The following MKX variants were observed in gnomAD, a reference collection of about 807,000 sequenced individuals.
MKX encodes the protein homeobox protein Mohawk.
In MKX, 13 loss-of-function variants were observed where a neutral mutation model predicts 36.0. The ratio of observed to expected loss-of-function variants is 0.36; its 90% CI spans 0.24 to 0.57. The LOEUF (loss-of-function observed/expected upper bound fraction) is 0.57, where lower values mean the gene tolerates loss of function less well. Ranked by LOEUF, MKX falls within the 20% of genes least tolerant of loss-of-function variation. MKX has a pLI of 0.79. For missense variants in MKX, 458 were observed against 456.4 expected (o/e 1.00, Z -0.03); for synonymous variants, 176 against 178.3 (o/e 0.99, Z 0.10).
At chr10:27,701,827 G>A (rs555478107) in intron 5 of MKX, among the ~76,000 whole-genome samples, 16 of 145,492 alleles carry the variant, frequency 1.1e-4, no homozygotes, top group African/African-American at 2.0e-4. Flanking sequence ...GTGTGTGTGT[G>A]TATATATATA....
At chr10:27,703,145 T>A (rs2815574) in intron 5 of MKX, among the ~76,000 whole-genome samples, 122,020 of 152,084 alleles carry the variant, frequency 0.8, 49,023 homozygotes, top group Admixed American at 0.84. Context: ...GTCCAGTTTT[T>A]TAATTCCTAA....
chr10:27,685,850 G>C (rs2368251), intron 5 of MKX, among the ~76,000 whole-genome samples: 1 of 152,158 alleles, frequency 6.6e-6, no homozygotes, highest in Non-Finnish European at 1.5e-5. Context: ...CTGCTGCTGC[G>C]TCACTTTCAG....
chr10:27,725,447 C>T (rs1410101438), intron 5 of MKX, among the ~76,000 whole-genome samples: 1 of 151,964 alleles, frequency 6.6e-6, no homozygotes. Context: ...TATATTTTTT[C>T]ACTTCCTCAA....
At position 27,734,466 on chromosome 10, in the gene MKX, G is replaced by C; in HGVS notation, c.828C>G (p.Val276=). The part of the protein sequence containing the change: ...PSSSETEGNF[V]YRTDTLENGS... ...AAAGCACGGACTTACCTGTGCGATA[G>C]ACAAAGTTGCCTTCAGTTTCTGATG... Residue 276 remains valine (V), a synonymous_variant, in exon 5 of 7, where the codon GTC becomes GTG. Coordinates refer to ENST00000419761, the MANE Select transcript of MKX (RefSeq NM_173576.3). 2 of 1,613,952 alleles carry C rather than the reference G, an allele frequency of 1.2e-6. No homozygotes were observed. The highest frequency in any genetic ancestry group is 1.7e-6 in the Non-Finnish European group (2 of 1,179,902).
At chr10:27,704,962 C>G (rs1400237505) in intron 5 of MKX, among the ~76,000 whole-genome samples, 1 of 152,110 alleles carries the variant, frequency 6.6e-6, no homozygotes, top group African/African-American at 2.4e-5. Flanking sequence ...AGGCTCATCT[C>G]CCTCCATAAA....
intron 3 of MKX, among the ~76,000 whole-genome samples, chr10:27,739,839 T>G (rs111950107): frequency 1.6e-4 from 24 of 152,206 alleles, no homozygotes; most frequent in African/African-American, 5.8e-4. Context: ...TTAGTGTATT[T>G]TAAAAATAAG....
intron 5 of MKX, among the ~76,000 whole-genome samples, chr10:27,730,448 C>A (rs1834598760): frequency 1.4e-5 from 2 of 146,498 alleles, no homozygotes; most frequent in South Asian, 4.3e-4. Flanking sequence ...CTCACACCAA[C>A]TTTCAACTGG....
At chr10:27,711,429 CTCTTTCTTTCTTTCTTTCTTTCTTTCTT>C (rs749757379) in intron 5 of MKX, among the ~76,000 whole-genome samples, 5 of 114,574 alleles carry the variant, frequency 4.4e-5, no homozygotes, top group East Asian at 3.1e-4. Context: ...TCTTTCTTTT[CTCTTTCTTTCTTTCTTTCTTTCTTTCTT>C]TCTTTCTTTC....
chr10:27,738,368 A>G (rs1834823052), intron 3 of MKX, among the ~76,000 whole-genome samples: 2 of 152,182 alleles, frequency 1.3e-5, no homozygotes, highest in South Asian at 4.1e-4. Context: ...CACTGAAGGT[A>G]AAAATATCGG....
intron 5 of MKX, among the ~76,000 whole-genome samples, chr10:27,729,670 T>C (rs1475681915): frequency 6.6e-6 from 1 of 152,052 alleles, no homozygotes; most frequent in Non-Finnish European, 1.5e-5. Context: ...AACAAGGGCT[T>C]GTCCTCAAGT....
chr10:27,701,418 C>T (rs1229018370), intron 5 of MKX, among the ~76,000 whole-genome samples: 2 of 142,676 alleles, frequency 1.4e-5, no homozygotes, highest in Non-Finnish European at 3.0e-5. Flanking sequence ...ACAGGTTTTA[C>T]TATAGATAAT....
At chr10:27,710,711 T>C (rs1836835837) in intron 5 of MKX, among the ~76,000 whole-genome samples, 2 of 152,218 alleles carry the variant, frequency 1.3e-5, no homozygotes. Context: ...CAATCTGGAG[T>C]GCAGTGGTAT....
rs1333320435 is a variant in MKX at position 27,734,558 on chromosome 10, T to C, written c.736A>G (p.Arg246Gly). The change falls in exon 5 of 7, where the codon AGG becomes GGG. Residue 246 changes from arginine to glycine, a missense_variant. This residue lies in a region of MKX where 297 missense variants were observed against 304.4 expected (regional missense o/e 0.98). Transcript: ENST00000419761. ...ATNTTMMGKTRQRNHSGSFSS... is the reference protein window; with the variant it reads ...ATNTTMMGKTGQRNHSGSFSS... ...AAAGATCCCGAGTGGTTTCTTTGCC[T>C]TGTTTTTCCCATCATGGTAGTGTTC... is the stretch of plus-strand genomic sequence containing the variant. 6.8e-6 allele frequency: 11 copies of C among 1,614,106 alleles called. No homozygotes were observed. The highest frequency in any genetic ancestry group is 1.3e-5 in the African/African-American group (1 of 74,936).
Position 27,733,721 on chromosome 10 carries a change from C to T in MKX, c.838+735G>A, listed in dbSNP as rs552484405. ...CCTTGTTCCAAAGTCACCTCATACA[C>T]TTCTTAAGAGCAAACCTCTCTGGGA... On this transcript the variant is annotated intron_variant, in intron 5 of 6. Transcript: ENST00000419761. Among the ~76,000 whole-genome samples, 48 of 152,338 alleles carry T rather than the reference C, an allele frequency of 3.2e-4. No individual in the cohort carries two copies. The South Asian group carries it at 7.9e-3, about 25-fold the overall frequency.
chr10:27,720,701 G>A (rs183271912), intron 5 of MKX, among the ~76,000 whole-genome samples: 5 of 152,134 alleles, frequency 3.3e-5, no homozygotes, highest in African/African-American at 1.2e-4. Context: ...TATACTCTAT[G>A]GTAAAATATG....
intron 5 of MKX, among the ~76,000 whole-genome samples, chr10:27,682,168 T>TA (rs950805617): frequency 6.6e-6 from 1 of 151,970 alleles, no homozygotes; most frequent in African/African-American, 2.4e-5. Flanking sequence ...AAAGTAAAAA[T>TA]AAAAAATGAA....
At chr10:27,691,833 C>T (rs942635236) in intron 5 of MKX, among the ~76,000 whole-genome samples, 1 of 152,164 alleles carries the variant, frequency 6.6e-6, no homozygotes, top group African/African-American at 2.4e-5. Context: ...TGTTAATTTG[C>T]TTAGGATGAT....
In MKX at chr10:27,712,046, G is replaced by A. The variant is rs570807931; in HGVS notation, c.838+22410C>T. The stretch of plus-strand genomic sequence containing the variant: ...TCTAGATTGGCCAGGTGAAGGAGAC[G>A]GGCAGGGCCATAAGCATGGGATCCC... On this transcript the variant is annotated intron_variant, in intron 5 of 6. Transcript: ENST00000419761. 4.6e-4 allele frequency among the ~76,000 whole-genome samples: 70 copies of A among 152,188 alleles called. 1 individual carries two copies. Among genetic ancestry groups the A allele is most frequent in the Middle Eastern group, 3.4e-3 (1 of 294 alleles).
At chr10:27,686,424 A>C (rs1407224073) in intron 5 of MKX, among the ~76,000 whole-genome samples, 1 of 150,788 alleles carries the variant, frequency 6.6e-6, no homozygotes, top group East Asian at 2.0e-4. Flanking sequence ...GAAGGAAGGA[A>C]GGAAGGAAGG....
Sources: gnomAD v4.1 joint callset for allele counts (sites outside exome capture counted in the v4.1 genomes callset) on GRCh38, gnomAD v4.1.1 for gene constraint, gnomAD v4.1.1 regional missense constraint, MANE v1.5 for transcripts, NCBI Gene and HGNC (gene_info 2026-07-23, HGNC 2026-07-21) for gene names.